OPRD1: variants seen among roughly 807,000 people sequenced by gnomAD.
The protein encoded by OPRD1 is delta-type opioid receptor.
A neutral mutation model predicts 17.5 loss-of-function variants in OPRD1; 19 were observed. The observed-to-expected ratio is 1.09, with a 90% CI of 0.76 to 1.60. The LOEUF (loss-of-function observed/expected upper bound fraction) is 1.60, where lower values mean the gene tolerates loss of function less well. Ranked by LOEUF, OPRD1 falls within the 40% of genes most tolerant of loss-of-function variation. OPRD1 has a pLI of 0.00. For synonymous variants in OPRD1, 256 were observed against 240.9 expected, an observed-to-expected ratio of 1.06 and a Z score of -0.58; for missense variants, 483 against 547.2, an observed-to-expected ratio of 0.88 and a Z score of 1.17.
At chr1:28,818,517 T>C (rs1430694372) in intron 1 of OPRD1, among the ~76,000 whole-genome samples, 1 of 152,040 alleles carries the variant, frequency 6.6e-6, no homozygotes, top group African/African-American at 2.4e-5. Flanking sequence ...GAGTGGAGCA[T>C]TCCAGATAGA....
intron 1 of OPRD1, among the ~76,000 whole-genome samples, chr1:28,815,544 A>G (rs956887513): frequency 4.6e-5 from 7 of 152,324 alleles, no homozygotes; most frequent in Non-Finnish European, 8.8e-5. Context: ...GTCCTTCCCC[A>G]GTGAACAGTG....
At chr1:28,827,436 C>A (rs1452499648) in intron 1 of OPRD1, among the ~76,000 whole-genome samples, 4 of 152,156 alleles carry the variant, frequency 2.6e-5, no homozygotes, top group Non-Finnish European at 4.4e-5. Flanking sequence ...CCCAAGTGAT[C>A]CTCTTGCCTC....
chr1:28,863,355 G>A lies in OPRD1; in HGVS notation c.*72G>A, dbSNP rs887269154. The A allele has an allele frequency of 9.3e-5, 128 of 1,379,006 alleles. No individual in the cohort carries two copies. Among genetic ancestry groups the A allele is most frequent in the Non-Finnish European group, 1.1e-4 (121 of 1,069,348 alleles). The allele number at this position is 1,379,006 out of a possible 1,614,324, so 85.4% of individuals were successfully genotyped here. A position where few individuals can be genotyped will look rare whatever the true frequency, so the allele number is the denominator to read the frequency against. ...CCACATGAGTCCCAGTGGGAGGCGC[G>A]AGCCATGATGTGGAGTGGGGCAGTA... On this transcript the variant is annotated 3_prime_UTR_variant, in exon 3 of 3. Coordinates refer to ENST00000234961, the MANE Select transcript of OPRD1 (RefSeq NM_000911.4).
chr1:28,863,524 G>C lies in OPRD1; in HGVS notation c.*241G>C, dbSNP rs1333869740. The C allele has an allele frequency of 2.2e-6, 1 of 457,808 alleles. No individual in the cohort carries two copies. The highest frequency in any genetic ancestry group is 3.8e-6 in the Non-Finnish European group (1 of 266,088). 28.4% of individuals were successfully genotyped at this position (457,808 alleles called of 1,614,324 possible). On this transcript the variant is annotated 3_prime_UTR_variant, in exon 3 of 3. Coordinates refer to ENST00000234961, the MANE Select transcript of OPRD1 (RefSeq NM_000911.4). Reference sequence around the variant, plus strand: ...GCAGTGCCTCTGGTCTGGGTGCCCCGTCCACGGCTCTAGGTGGGGCGGGAA... The same window carrying C: ...GCAGTGCCTCTGGTCTGGGTGCCCCCTCCACGGCTCTAGGTGGGGCGGGAA...
Position 28,869,688 on chromosome 1 carries a change from C to G in OPRD1, c.*6405C>G, listed in dbSNP as rs2089200750. On this transcript the variant is annotated 3_prime_UTR_variant, in exon 3 of 3. Transcript: ENST00000234961. ...CACCTTTGGTCCTTCAAGTCCACTT[C>G]CTCTGCTTTCCTCTTCCTGCACCCT... 1.3e-5 allele frequency: 2 copies of G among 152,244 alleles called. No homozygotes were observed. Among genetic ancestry groups the G allele is most frequent in the South Asian group, 4.1e-4 (2 of 4,826 alleles). The allele number at this position is 152,244 out of a possible 1,614,324, so 9.4% of individuals were successfully genotyped here.
At chr1:28,834,380 TC>T (rs1447191836) in intron 1 of OPRD1, among the ~76,000 whole-genome samples, 35 of 95,312 alleles carry the variant, frequency 3.7e-4, no homozygotes, top group Non-Finnish European at 6.1e-4. Flanking sequence ...TTTCTTTTTT[TC>T]TTTTTTTTTT....
chr1:28,849,825 T>G (rs1203909788), intron 1 of OPRD1, among the ~76,000 whole-genome samples: 1 of 147,914 alleles, frequency 6.8e-6, no homozygotes, highest in African/African-American at 2.5e-5. Context: ...GAAAAAGGAA[T>G]AACAAGAGAA....
At chr1:28,859,864 G>A (rs2089097100) in intron 2 of OPRD1, among the ~76,000 whole-genome samples, 1 of 152,218 alleles carries the variant, frequency 6.6e-6, no homozygotes, top group Non-Finnish European at 1.5e-5. Context: ...GTAACTGCCT[G>A]TATCAGGGGA....
intron 1 of OPRD1, among the ~76,000 whole-genome samples, chr1:28,832,300 C>G (rs907024437): frequency 1.1e-4 from 16 of 152,062 alleles, no homozygotes; most frequent in African/African-American, 3.4e-4. Flanking sequence ...GGGTCCCAGG[C>G]AGAGAGATGG....
intron 1 of OPRD1, among the ~76,000 whole-genome samples, chr1:28,852,490 A>G (rs1290334898): frequency 6.6e-6 from 1 of 152,108 alleles, no homozygotes; most frequent in African/African-American, 2.4e-5. Context: ...CTAAATATTG[A>G]GTTAGCTAAA....
chr1:28,828,623 C>A (rs1170884201), intron 1 of OPRD1, among the ~76,000 whole-genome samples: 1 of 147,738 alleles, frequency 6.8e-6, no homozygotes, highest in Non-Finnish European at 1.5e-5. Flanking sequence ...AAGTTCGAAG[C>A]TGCACTGAGC....
At chr1:28,840,604 T>A (rs1161011412) in intron 1 of OPRD1, among the ~76,000 whole-genome samples, 1 of 152,146 alleles carries the variant, frequency 6.6e-6, no homozygotes, top group Non-Finnish European at 1.5e-5. Flanking sequence ...AAACACTGTC[T>A]GCCCCATAGT....
intron 1 of OPRD1, among the ~76,000 whole-genome samples, chr1:28,838,239 C>T (rs991839938): frequency 2.0e-5 from 3 of 152,136 alleles, no homozygotes; most frequent in Non-Finnish European, 4.4e-5. Context: ...AGAATGTAGA[C>T]ATCTGCCAAG....
chr1:28,868,965 C>G lies in OPRD1; in HGVS notation c.*5682C>G, dbSNP rs1464365392. 1 of 152,210 alleles carries G rather than the reference C, an allele frequency of 6.6e-6. No individual in the cohort carries two copies. The highest frequency in any genetic ancestry group is 2.4e-5 in the African/African-American group (1 of 41,434). The allele number at this position is 152,210 out of a possible 1,614,324, so 9.4% of individuals were successfully genotyped here. A position where few individuals can be genotyped will look rare whatever the true frequency, so the allele number is the denominator to read the frequency against. ...CTGGGTCTCTGTCCAAAGGCCAGCC[C>G]TCTCTTTGTGTCAGCCGCAGATCCC... On this transcript the variant is annotated 3_prime_UTR_variant, in exon 3 of 3. Coordinates refer to ENST00000234961, the MANE Select transcript of OPRD1 (RefSeq NM_000911.4).
chr1:28,845,907 TC>T (rs2088935994), intron 1 of OPRD1, among the ~76,000 whole-genome samples: 1 of 152,210 alleles, frequency 6.6e-6, no homozygotes, highest in African/African-American at 2.4e-5. Flanking sequence ...CCATCTGGCT[TC>T]CACACAGTAG....
chr1:28,862,300 T>C (rs1232408498), intron 2 of OPRD1, among the ~76,000 whole-genome samples: 1 of 152,124 alleles, frequency 6.6e-6, no homozygotes, highest in East Asian at 1.9e-4. Flanking sequence ...CCAAGAGGTT[T>C]AGTAATTTCC....
chr1:28,827,157 G>T (rs1009263975), intron 1 of OPRD1, among the ~76,000 whole-genome samples: 1 of 152,126 alleles, frequency 6.6e-6, no homozygotes, highest in Non-Finnish European at 1.5e-5. Context: ...TTAGCTGGGC[G>T]TGGTGGTGTG....
intron 1 of OPRD1, among the ~76,000 whole-genome samples, chr1:28,858,474 T>G (rs546809180): frequency 1.3e-5 from 2 of 151,946 alleles, no homozygotes; most frequent in South Asian, 4.2e-4. Context: ...TCCTTTTGCT[T>G]CTGTTGTCGG....
In OPRD1 at chr1:28,837,253, C is replaced by T. The variant is rs146092783; in HGVS notation, c.228-21701C>T. On this transcript the variant is annotated intron_variant, in intron 1 of 2. Coordinates refer to ENST00000234961, the MANE Select transcript of OPRD1 (RefSeq NM_000911.4). ...CTGATCTGACTGATCTGACAGGAGG[C>T]GGAGCTCAGGTGGTAATGCGAGCAA... is the stretch of plus-strand genomic sequence containing the variant. Among the ~76,000 whole-genome samples, 337 of 152,210 alleles carry T rather than the reference C, an allele frequency of 2.2e-3. 1 individual carries two copies. The highest frequency in any genetic ancestry group is 7.8e-3 in the African/African-American group (322 of 41,528).
Sources: allele counts gnomAD v4.1 joint callset (sites outside exome capture counted in the v4.1 genomes callset), GRCh38; gene constraint gnomAD v4.1.1; transcripts MANE v1.5; gene names NCBI Gene and HGNC (gene_info 2026-07-23, HGNC 2026-07-21).